The following DCDC1 variants were observed in gnomAD, a reference collection of about 807,000 sequenced individuals.
DCDC1 encodes the protein doublecortin domain containing 1, also known as doublecortin domain-containing protein 1.
A neutral mutation model predicts 178.3 loss-of-function variants in DCDC1; 200 were observed. The observed-to-expected ratio is 1.12, with a 90% CI of 1.00 to 1.26. The LOEUF (loss-of-function observed/expected upper bound fraction) is 1.26, where lower values mean the gene tolerates loss of function less well. Ranked by LOEUF, DCDC1 falls within the 50% of genes most tolerant of loss-of-function variation. The probability of loss-of-function intolerance (pLI) is 0.00; values close to 1 mark genes in which losing one functional copy is unlikely to be tolerated. For synonymous variants in DCDC1, 690 were observed against 604.8 expected (o/e 1.14, Z -2.07); for missense variants, 1,983 against 1,749.2 (o/e 1.13, Z -2.38).
intron 20 of DCDC1, among the ~76,000 whole-genome samples, chr11:31,019,079 G>C (rs1236375549): frequency 6.6e-6 from 1 of 152,082 alleles, no homozygotes; most frequent in Admixed American, 6.6e-5. Context: ...GTCCTGACGT[G>C]GCCAGCTGTT....
chr11:30,902,263 T>A (rs1263500475), intron 32 of DCDC1, among the ~76,000 whole-genome samples: 1 of 152,126 alleles, frequency 6.6e-6, no homozygotes, highest in Non-Finnish European at 1.5e-5. Flanking sequence ...CACACAGTGC[T>A]GGGCTCCTTT....
At chr11:31,261,379 C>T (rs142714254) in intron 8 of DCDC1, among the ~76,000 whole-genome samples, 1 of 152,156 alleles carries the variant, frequency 6.6e-6, no homozygotes, top group Admixed American at 6.5e-5. Context: ...TTTTGGTGGG[C>T]GTGATTTTGC....
chr11:31,149,179 G>A (rs1964848160), intron 9 of DCDC1, among the ~76,000 whole-genome samples: 1 of 152,182 alleles, frequency 6.6e-6, no homozygotes, highest in Non-Finnish European at 1.5e-5. Context: ...CTATAAACAT[G>A]CATATGTGCA....
At chr11:31,354,970 T>C (rs2133328795) in intron 1 of DCDC1, among the ~76,000 whole-genome samples, 1 of 152,184 alleles carries the variant, frequency 6.6e-6, no homozygotes, top group East Asian at 1.9e-4. Flanking sequence ...TTAAATGACT[T>C]GTTAATTCAA....
intron 18 of DCDC1, among the ~76,000 whole-genome samples, chr11:31,066,101 C>A (rs1956236055): frequency 6.6e-6 from 1 of 152,122 alleles, no homozygotes; most frequent in African/African-American, 2.4e-5. Context: ...GTTAATCCGG[C>A]CCATCTCTCT....
chr11:31,275,957 G>T (rs888845646), intron 7 of DCDC1, among the ~76,000 whole-genome samples: 3 of 152,232 alleles, frequency 2.0e-5, no homozygotes, highest in Admixed American at 1.3e-4. Flanking sequence ...TCTGTATATA[G>T]TTATACCTGG....
At chr11:31,312,332 C>A (rs527610246) in intron 3 of DCDC1, among the ~76,000 whole-genome samples, 4 of 152,072 alleles carry the variant, frequency 2.6e-5, no homozygotes, top group Non-Finnish European at 5.9e-5. Flanking sequence ...TATTATTATT[C>A]CCCTTTTCCA....
At chr11:30,964,655 AT>A (rs1949322545) in intron 20 of DCDC1, among the ~76,000 whole-genome samples, 1 of 152,134 alleles carries the variant, frequency 6.6e-6, no homozygotes, top group Admixed American at 6.6e-5. Context: ...TGTTAAGATT[AT>A]TTTTTGGAAT....
intron 20 of DCDC1, among the ~76,000 whole-genome samples, chr11:30,994,311 T>G (rs1590694424): frequency 6.6e-6 from 1 of 152,002 alleles, no homozygotes; most frequent in South Asian, 2.1e-4. Context: ...TTTACCCATT[T>G]TTTTCTTTCC....
At chr11:30,882,733 A>G (rs1942800248) in intron 36 of DCDC1, 1 of 152,208 alleles carries the variant, frequency 6.6e-6, no homozygotes, top group Admixed American at 6.5e-5. Context: ...ATAAATAGAA[A>G]AATCAACAAT....
chr11:31,022,054 C>G (rs1210628111), intron 20 of DCDC1, among the ~76,000 whole-genome samples: 1 of 152,086 alleles, frequency 6.6e-6, no homozygotes, highest in African/African-American at 2.4e-5. Context: ...CACATGGAGT[C>G]CCCTTGCTTT....
Position 31,102,205 on chromosome 11 carries a change from T to C in DCDC1, c.1955A>G (p.Asp652Gly), listed in dbSNP as rs183555899. 3,034 of 730,176 alleles carry C rather than the reference T, an allele frequency of 4.2e-3. 15 individuals are homozygous for C. Among genetic ancestry groups the C allele is most frequent in the Non-Finnish European group, 5.4e-3 (2,133 of 396,042 alleles). The allele number at this position is 730,176 out of a possible 1,614,324, so 45.2% of individuals were successfully genotyped here. A position where few individuals can be genotyped will look rare whatever the true frequency, so the allele number is the denominator to read the frequency against. ...GTTCTGTAGAAAATGGTTCTCCAAG[T>C]CCACCTTTTCAAACTGGTCAGGTAT... ...QQIPDQFEKV[D>G]LENHFLQNKV... Residue 652 changes from aspartate to glycine, a missense_variant, in exon 15 of 39, where the codon GAC becomes GGC. Physicochemically the swap from Asp to Gly is moderately conservative, Grantham distance 94. Transcript: ENST00000684477.
At chr11:31,202,043 T>C (rs1283224506) in intron 9 of DCDC1, among the ~76,000 whole-genome samples, 1 of 152,312 alleles carries the variant, frequency 6.6e-6, no homozygotes, top group South Asian at 2.1e-4. Context: ...GGCAAGAATA[T>C]ACAATGTGAA....
intron 20 of DCDC1, among the ~76,000 whole-genome samples, chr11:31,038,541 C>T (rs1954229842): frequency 6.6e-6 from 1 of 152,098 alleles, no homozygotes; most frequent in South Asian, 2.1e-4. Context: ...ATGATGAAGT[C>T]CTGATTTTCT....
At chr11:30,880,383 C>A (rs1942550906) in intron 37 of DCDC1, among the ~76,000 whole-genome samples, 1 of 152,258 alleles carries the variant, frequency 6.6e-6, no homozygotes, top group East Asian at 1.9e-4. Flanking sequence ...CCCTTCTGGG[C>A]TAAATGTAAA....
intron 38 of DCDC1, among the ~76,000 whole-genome samples, chr11:30,873,169 G>C (rs921058759): frequency 6.6e-6 from 1 of 150,976 alleles, no homozygotes; most frequent in African/African-American, 2.4e-5. Context: ...TGGGAAAGCT[G>C]TTAGCTGGGC....
At chr11:31,211,330 C>A (rs943884426) in intron 9 of DCDC1, among the ~76,000 whole-genome samples, 1 of 152,142 alleles carries the variant, frequency 6.6e-6, no homozygotes, top group African/African-American at 2.4e-5. Flanking sequence ...TATTTAAGAC[C>A]ATATGTATTT....
chr11:31,075,362 T>G (rs1377889574), intron 18 of DCDC1, among the ~76,000 whole-genome samples: 1 of 152,226 alleles, frequency 6.6e-6, no homozygotes, highest in Non-Finnish European at 1.5e-5. Flanking sequence ...TATGAGTGCA[T>G]GTACCTTTTT....
intron 20 of DCDC1, among the ~76,000 whole-genome samples, chr11:30,961,009 G>T (rs1453736788): frequency 1.3e-5 from 2 of 152,012 alleles, no homozygotes; most frequent in East Asian, 1.9e-4. Context: ...TTGATTGACA[G>T]TTATCTCCTC....
Sources: gnomAD v4.1 joint callset for allele counts (sites outside exome capture counted in the v4.1 genomes callset) on GRCh38, gnomAD v4.1.1 for gene constraint, MANE v1.5 for transcripts, NCBI Gene and HGNC (gene_info 2026-07-23, HGNC 2026-07-21) for gene names.